The following ATAD2B variants were observed in gnomAD, a reference collection of about 807,000 sequenced individuals.
ATAD2B encodes ATPase family AAA domain-containing protein 2B.
Under a neutral mutation model 167.6 loss-of-function variants are expected in ATAD2B, and 40 were observed. That is an observed-to-expected ratio of 0.24 (90% confidence interval 0.19 to 0.31). ATAD2B has a LOEUF of 0.31. ATAD2B is among the 10% of genes least tolerant of loss of function. The pLI is 1.00. For synonymous variants in ATAD2B, 579 were observed against 596.5 expected (o/e 0.97, Z 0.43); for missense variants, 1,242 against 1,757.2 (o/e 0.71, Z 5.24).
At chr2:23,679,337 C>T in the ATAD2B span, among the ~76,000 whole-genome samples, 1 of 152,238 alleles carries the variant, frequency 6.6e-6, no homozygotes, top group Non-Finnish European at 1.5e-5. Flanking sequence ...AATGCCTCAT[C>T]TGGGACAGCT....
intron 17 of ATAD2B, among the ~76,000 whole-genome samples, chr2:23,819,444 T>C (rs534626428): frequency 6.8e-6 from 1 of 146,852 alleles, no homozygotes; most frequent in Admixed American, 6.9e-5. Flanking sequence ...TGAGCCAAGA[T>C]CATGCCACTG....
intron 13 of ATAD2B, among the ~76,000 whole-genome samples, chr2:23,834,405 A>G (rs1572961771): frequency 6.6e-6 from 1 of 151,844 alleles, no homozygotes; most frequent in Non-Finnish European, 1.5e-5. Flanking sequence ...CAGGCAATCC[A>G]CCTGCCTCGG....
intron 1 of ATAD2B, among the ~76,000 whole-genome samples, chr2:23,904,195 G>A (rs560683529): frequency 6.6e-6 from 1 of 152,130 alleles, no homozygotes; most frequent in South Asian, 2.1e-4. Flanking sequence ...AAACAGAAGG[G>A]CAGAAGTCAA....
the ATAD2B span, among the ~76,000 whole-genome samples, chr2:23,699,200 C>T: frequency 6.6e-6 from 1 of 152,336 alleles, no homozygotes; most frequent in South Asian, 2.1e-4. Flanking sequence ...GCTTCCTGGG[C>T]TCTGGGCTGT....
chr2:23,742,169 A>G, the ATAD2B span, among the ~76,000 whole-genome samples: 1 of 152,210 alleles, frequency 6.6e-6, no homozygotes, highest in Admixed American at 6.5e-5. Flanking sequence ...ACCTAGAACT[A>G]GCAATACCAT....
the ATAD2B span, chr2:23,688,759 G>T: frequency 6.6e-6 from 1 of 152,296 alleles, no homozygotes; most frequent in Non-Finnish European, 1.5e-5. Context: ...CCCTGCTGCA[G>T]TCCCTCCAAA....
At chr2:23,861,844 A>AGGTAAAAAT (rs1303130897) in intron 12 of ATAD2B, among the ~76,000 whole-genome samples, 1 of 152,194 alleles carries the variant, frequency 6.6e-6, no homozygotes, top group Admixed American at 6.6e-5. Flanking sequence ...GACACGTTCA[A>AGGTAAAAAT]GGTAAAAATC....
At chr2:23,737,125 G>T in the ATAD2B span, among the ~76,000 whole-genome samples, 2 of 152,210 alleles carry the variant, frequency 1.3e-5, no homozygotes, top group African/African-American at 4.8e-5. Flanking sequence ...CTGGGGGCAG[G>T]GCACAGACAA....
chr2:23,753,676 T>C (rs931846370), intron 27 of ATAD2B, among the ~76,000 whole-genome samples: 5 of 152,168 alleles, frequency 3.3e-5, no homozygotes, highest in African/African-American at 9.6e-5. Flanking sequence ...CTCCTTCATA[T>C]GGCTAATTTA....
At chr2:23,874,700 A>T (rs1159483364) in intron 8 of ATAD2B, among the ~76,000 whole-genome samples, 1 of 152,018 alleles carries the variant, frequency 6.6e-6, no homozygotes, top group Non-Finnish European at 1.5e-5. Flanking sequence ...TCTCAAAAAA[A>T]AAAAATAAAC....
intron 22 of ATAD2B, among the ~76,000 whole-genome samples, chr2:23,770,728 T>C (rs1678200080): frequency 6.6e-6 from 1 of 152,246 alleles, no homozygotes; most frequent in South Asian, 2.1e-4. Context: ...CAACATACAC[T>C]GTCTAGATTA....
chr2:23,706,939 A>G, the ATAD2B span: 120 of 334,324 alleles, frequency 3.6e-4, 1 homozygote, highest in Admixed American at 1.2e-3. Context: ...CAGGTGCAAT[A>G]GAGTTTCACG....
intron 14 of ATAD2B, 51 bp from the exon 15 acceptor site, chr2:23,828,990 A>T: frequency 8.2e-7 from 1 of 1,221,544 alleles, no homozygotes; most frequent in Non-Finnish European, 1.2e-6. Flanking sequence ...AGAAAAGTAC[A>T]GATAAAATAT....
At chr2:23,696,281 C>A in the ATAD2B span, 1 of 1,520,244 alleles carries the variant, frequency 6.6e-7, no homozygotes. This position sits in a 1 kb window ranked among gnomAD's most constrained non-coding sequence, Gnocchi z 5.5. Flanking sequence ...CCTGCTGACC[C>A]CAGGCCCCTC....
intron 22 of ATAD2B, among the ~76,000 whole-genome samples, chr2:23,778,876 T>A (rs1036906337): frequency 2.6e-5 from 4 of 152,154 alleles, no homozygotes; most frequent in African/African-American, 9.7e-5. Flanking sequence ...CATATTCTCA[T>A]TACATATTAC....
rs918677067 is a variant in ATAD2B at position 23,878,293 on chromosome 2, G to A, written c.901+2346C>T. Among the ~76,000 whole-genome samples the A allele has an allele frequency of 6.6e-5, 10 of 151,690 alleles. No homozygotes were observed. In the South Asian group the frequency reaches 8.3e-4, roughly 13 times the overall value. ...GGAGAATCGCTTGAACCCAGGAGGC[G>A]GAGGCTGCAGTGAGCCAAGACTGCA... On this transcript the variant is annotated intron_variant, in intron 7 of 27. Coordinates refer to ENST00000238789, the MANE Select transcript of ATAD2B (RefSeq NM_017552.4).
Position 23,822,917 on chromosome 2 carries a change from CAAAAAAAAAAAA to C in ATAD2B, c.2131+329_2131+340del, listed in dbSNP as rs33911389. Among the ~76,000 whole-genome samples the C allele has an allele frequency of 6.0e-5, 4 of 66,318 alleles. 1 individual carries two copies. The South Asian group carries it at 2.2e-3, about 36-fold the overall frequency. The allele number at this position is 66,318 out of a possible 152,430, so 43.5% of individuals were successfully genotyped here. A position where few individuals can be genotyped will look rare whatever the true frequency, so the allele number is the denominator to read the frequency against. On this transcript the variant is annotated intron_variant, in intron 16 of 27. Transcript: ENST00000238789. ...GGGCAACAAGAGCGAAACTCCATCT[CAAAAAAAAAAAA>C]AAAAAAAAAAAAGGATTAGTAAGTG...
the ATAD2B span, chr2:23,684,475 G>A: frequency 6.4e-7 from 1 of 1,551,180 alleles, no homozygotes; most frequent in South Asian, 1.2e-5. This position sits in a 1 kb window ranked among gnomAD's most constrained non-coding sequence, Gnocchi z 4.4. Context: ...AAGGCAGAGA[G>A]TTTGAAGTCC....
At chr2:23,830,908 T>C (rs1014960631) in intron 14 of ATAD2B, among the ~76,000 whole-genome samples, 4 of 152,100 alleles carry the variant, frequency 2.6e-5, no homozygotes, top group Admixed American at 1.3e-4. Flanking sequence ...TCCATTCTTA[T>C]CCTCTCCTTT....
Sources: allele counts gnomAD v4.1 joint callset (sites outside exome capture counted in the v4.1 genomes callset), GRCh38; gene constraint gnomAD v4.1.1; non-coding constraint Gnocchi (gnomAD v3.1); transcripts MANE v1.5; gene names NCBI Gene and HGNC (gene_info 2026-07-23, HGNC 2026-07-21).